Variants in NME8 observed in about 807,000 individuals in gnomAD.
The protein encoded by NME8 is protein NME8.
Under a neutral mutation model 82.3 loss-of-function variants are expected in NME8, and 72 were observed. That is an observed-to-expected ratio of 0.87 (90% CI 0.72 to 1.06). The LOEUF is 1.06. NME8 is among the 50% of genes least tolerant of loss of function. NME8 has a pLI of 0.00. For missense variants in NME8, 712 were observed against 685.4 expected (o/e 1.04, Z -0.43); for synonymous variants, 267 against 228.5 (o/e 1.17, Z -1.52).
At chr7:37,891,454 T>A (rs1417490919) in intron 15 of NME8, among the ~76,000 whole-genome samples, 1 of 151,634 alleles carries the variant, frequency 6.6e-6, no homozygotes, top group East Asian at 1.9e-4. Flanking sequence ...TCACATAATA[T>A]GTTTATTTTA....
At chr7:37,889,037 T>TA (rs1227137538) in intron 15 of NME8, among the ~76,000 whole-genome samples, 1 of 152,054 alleles carries the variant, frequency 6.6e-6, no homozygotes, top group Non-Finnish European at 1.5e-5. Context: ...GGAGGTTTGG[T>TA]AAAATTTTCC....
intron 11 of NME8, among the ~76,000 whole-genome samples, chr7:37,870,714 C>T (rs960510919): frequency 6.6e-6 from 1 of 152,074 alleles, no homozygotes; most frequent in African/African-American, 2.4e-5. Flanking sequence ...AACCTCATTG[C>T]AGGGTGGGTA....
chr7:37,858,965 T>C (rs1450420298), intron 6 of NME8, among the ~76,000 whole-genome samples: 1 of 152,010 alleles, frequency 6.6e-6, no homozygotes, highest in Non-Finnish European at 1.5e-5. Context: ...GTCTCACCTT[T>C]CTCTCACTCC....
At chr7:37,867,425 A>C (rs1393376186) in intron 10 of NME8, among the ~76,000 whole-genome samples, 3 of 152,054 alleles carry the variant, frequency 2.0e-5, no homozygotes, top group African/African-American at 7.2e-5. Flanking sequence ...TATTTTTCTA[A>C]GGATACAAAT....
chr7:37,868,107 G>A (rs1583632541), intron 11 of NME8, among the ~76,000 whole-genome samples: 1 of 152,208 alleles, frequency 6.6e-6, no homozygotes, highest in South Asian at 2.1e-4. Flanking sequence ...GTTGGCTTGT[G>A]GGTTGTAGGG....
At chr7:37,866,373 C>T (rs76860826) in intron 10 of NME8, among the ~76,000 whole-genome samples, 5,489 of 152,220 alleles carry the variant, frequency 0.036, 148 homozygotes, top group Non-Finnish European at 0.048. Flanking sequence ...ACTGACTGCA[C>T]CACTCATGCC....
chr7:37,880,814 CAG>C (rs1784933081), intron 12 of NME8, among the ~76,000 whole-genome samples: 1 of 151,674 alleles, frequency 6.6e-6, no homozygotes, highest in African/African-American at 2.4e-5. Flanking sequence ...TTTTTTTCGC[CAG>C]AGTTTTGTAG....
intron 8 of NME8, 65 bp downstream of exon 8, chr7:37,863,527 C>G: frequency 1.2e-6 from 1 of 860,666 alleles, no homozygotes; most frequent in Admixed American, 1.7e-5. Flanking sequence ...CACAGCATCA[C>G]TTGTTTCAGC....
At chr7:37,862,689 T>G (rs777874512) in intron 7 of NME8, among the ~76,000 whole-genome samples, 9 of 152,164 alleles carry the variant, frequency 5.9e-5, no homozygotes, top group Non-Finnish European at 1.3e-4. Context: ...CCAAATTTGC[T>G]GAGAGTAATG....
At chr7:37,887,443 A>C (rs1027263725) in intron 14 of NME8, among the ~76,000 whole-genome samples, 6 of 152,226 alleles carry the variant, frequency 3.9e-5, no homozygotes, top group African/African-American at 1.2e-4. Flanking sequence ...AAGAAAATTT[A>C]TTTAGAGTTC....
rs3816414 is a variant in NME8 at position 37,862,430 on chromosome 7, G to A, written c.387+286G>A. Among the ~76,000 whole-genome samples the A allele has an allele frequency of 0.37, 55,668 of 151,916 alleles. 11,413 individuals carry two copies. Among genetic ancestry groups the A allele is most frequent in the Non-Finnish European group, 0.46 (31,394 of 67,928 alleles). ...AATGAAACCTTTCGGATAGTTCACA[G>A]AATCACAGAAGCATATTCATGGCTT... On this transcript the variant is annotated intron_variant, in intron 7 of 17. Transcript: ENST00000199447.
At chr7:37,892,088 A>T (rs1785137457) in intron 15 of NME8, among the ~76,000 whole-genome samples, 1 of 151,838 alleles carries the variant, frequency 6.6e-6, no homozygotes, top group Non-Finnish European at 1.5e-5. Flanking sequence ...CATTTCTTTC[A>T]AGAAACCTGG....
At chr7:37,888,197 C>A (rs1034328237) in intron 14 of NME8, 80 bp from the exon 15 acceptor site, 4 of 1,439,584 alleles carry the variant, frequency 2.8e-6, no homozygotes, top group Non-Finnish European at 3.9e-6. Flanking sequence ...TATTTGATAA[C>A]TTTTGAACAA....
rs749872507 is a variant in NME8 at position 37,884,489 on chromosome 7, A to T, written c.1139+42A>T. On this transcript the variant is annotated intron_variant, in intron 13 of 17. Transcript: ENST00000199447. ...GAAAATTCAGTCTGATTTATTTTTGAATCATGTAAACTTTCTCTTAAGTCT... is the reference window on the plus strand; with the variant it reads ...GAAAATTCAGTCTGATTTATTTTTGTATCATGTAAACTTTCTCTTAAGTCT... The T allele has an allele frequency of 1.9e-6, 3 of 1,563,146 alleles. No individual in the cohort carries two copies. The East Asian group carries it at 6.8e-5, about 35-fold the overall frequency.
intron 11 of NME8, among the ~76,000 whole-genome samples, chr7:37,875,924 TTGAC>T (rs1264003754): frequency 7.9e-5 from 12 of 152,134 alleles, no homozygotes; most frequent in Admixed American, 5.2e-4. Flanking sequence ...ATATAATAAA[TTGAC>T]TGGGCGCGGT....
In NME8 at chr7:37,867,795, G is replaced by A. The variant is rs1458356924; in HGVS notation, c.715G>A (p.Glu239Lys). 1 of 1,613,930 alleles carries A rather than the reference G, an allele frequency of 6.2e-7. No individual in the cohort carries two copies. The highest frequency in any genetic ancestry group is 2.2e-5 in the East Asian group (1 of 44,848). Residue 239 changes from glutamate (E) to lysine (K), a missense_variant, in exon 11 of 18, where the codon GAA becomes AAA. Transcript: ENST00000199447. ...QGSKHNPPSE[E>K]TEPQTDTEPN... ...AAGTAAACACAATCCTCCCTCTGAA[G>A]AAACCGAACCACAGACTGACACCGA... is the stretch of plus-strand genomic sequence containing the variant.
At chr7:37,863,054 A>G (rs1005422134) in intron 7 of NME8, among the ~76,000 whole-genome samples, 1 of 152,156 alleles carries the variant, frequency 6.6e-6, no homozygotes, top group African/African-American at 2.4e-5. Context: ...CAGGAGGCAG[A>G]GATTGCAGTG....
At chr7:37,869,236 G>A (rs896807448) in intron 11 of NME8, among the ~76,000 whole-genome samples, 5 of 152,036 alleles carry the variant, frequency 3.3e-5, no homozygotes, top group African/African-American at 4.8e-5. Context: ...CAAGTTGTAC[G>A]CAGGATAAAG....
intron 5 of NME8, among the ~76,000 whole-genome samples, chr7:37,851,318 T>A (rs954844374): frequency 2.0e-5 from 3 of 152,246 alleles, no homozygotes. Context: ...CTGGTCCAAC[T>A]GAGGAGCTCA....
Sources: allele counts gnomAD v4.1 joint callset (sites outside exome capture counted in the v4.1 genomes callset), GRCh38; gene constraint gnomAD v4.1.1; transcripts MANE v1.5; gene names NCBI Gene and HGNC (gene_info 2026-07-23, HGNC 2026-07-21).